The following IL1RAPL2 variants were observed in gnomAD, a reference collection of about 807,000 sequenced individuals.
IL1RAPL2 encodes X-linked interleukin-1 receptor accessory protein-like 2.
IL1RAPL2 carries 3 observed loss-of-function variants against 44.1 expected under a neutral mutation model. The ratio of observed to expected loss-of-function variants is 0.07; its 90% CI spans 0.03 to 0.18. The LOEUF (loss-of-function observed/expected upper bound fraction) is 0.18, where lower values mean the gene tolerates loss of function less well. IL1RAPL2 is among the 10% of genes least tolerant of loss of function. The probability of loss-of-function intolerance (pLI) is 1.00; values close to 1 mark genes in which losing one functional copy is unlikely to be tolerated. For synonymous variants in IL1RAPL2, 181 were observed against 178.8 expected (o/e 1.01, Z -0.10); for missense variants, 391 against 496.4 (o/e 0.79, Z 2.02).
chrX:105,304,524 G>T (rs934446740), intron 5 of IL1RAPL2, among the ~76,000 whole-genome samples: 1 of 111,974 alleles, frequency 8.9e-6, no homozygotes, highest in Admixed American at 9.4e-5. Context: ...CTGTCTATAG[G>T]AACAATGGGG....
chrX:105,354,011 A>G (rs1316609878), intron 5 of IL1RAPL2, among the ~76,000 whole-genome samples: 1 of 110,901 alleles, frequency 9.0e-6, no homozygotes, highest in African/African-American at 3.3e-5. Flanking sequence ...GTCTTGTGCC[A>G]GTTTTCAAAG....
intron 2 of IL1RAPL2, among the ~76,000 whole-genome samples, chrX:104,733,645 A>G (rs1333465531): frequency 1.9e-5 from 2 of 106,466 alleles, no homozygotes; most frequent in East Asian, 2.9e-4. Context: ...AATAATAATA[A>G]TAGTAATAAT....
chrX:105,489,787 TTCTC>T (rs36081932), intron 6 of IL1RAPL2, among the ~76,000 whole-genome samples: 7,481 of 73,306 alleles, frequency 0.1, 769 homozygotes, highest in African/African-American at 0.31. Flanking sequence ...CTTTCTCTCT[TTCTC>T]TCTCTCTCTC....
chrX:105,433,838 T>C (rs915399415), intron 5 of IL1RAPL2, among the ~76,000 whole-genome samples: 1 of 111,130 alleles, frequency 9.0e-6, no homozygotes, highest in African/African-American at 3.3e-5. Context: ...ATGATATGGA[T>C]ATGTCACCAA....
intron 2 of IL1RAPL2, among the ~76,000 whole-genome samples, chrX:104,950,320 C>T (rs1050435026): frequency 8.9e-6 from 1 of 112,326 alleles, no homozygotes; most frequent in Non-Finnish European, 1.9e-5. Flanking sequence ...GGCAGTCTGC[C>T]CGTTCTCAGA....
intron 2 of IL1RAPL2, among the ~76,000 whole-genome samples, chrX:104,759,917 T>G (rs1363105214): frequency 8.9e-6 from 1 of 111,848 alleles, no homozygotes; most frequent in Non-Finnish European, 1.9e-5. Flanking sequence ...ACTTTTTTTG[T>G]GCCCATTAAC....
At chrX:104,656,362 C>T (rs1194333530) in intron 1 of IL1RAPL2, among the ~76,000 whole-genome samples, 1 of 112,055 alleles carries the variant, frequency 8.9e-6, no homozygotes, top group Non-Finnish European at 1.9e-5. Flanking sequence ...CCCAGAGATT[C>T]TGGTACATTG....
chrX:104,918,583 A>G (rs1924534491), intron 2 of IL1RAPL2, among the ~76,000 whole-genome samples: 1 of 111,945 alleles, frequency 8.9e-6, no homozygotes, highest in Non-Finnish European at 1.9e-5. Context: ...TACTTCCACA[A>G]CCTATGGTCT....
Position 104,735,597 on chromosome X carries a change from G to A in IL1RAPL2, c.82+76602G>A, listed in dbSNP as rs756434239. 8.1e-5 allele frequency among the ~76,000 whole-genome samples: 9 copies of A among 111,625 alleles called. No individual in the cohort carries two copies. In the Middle Eastern group the frequency reaches 0.028, roughly 345 times the overall value. On this transcript the variant is annotated intron_variant, in intron 2 of 10. Transcript: ENST00000372582. ...AATGGGGAAAAAGAGCATATCATTA[G>A]TGTCAAGCGCATCCCACAGTAGGCT... is the stretch of plus-strand genomic sequence containing the variant.
At chrX:105,558,751 T>G (rs2036912955) in intron 6 of IL1RAPL2, among the ~76,000 whole-genome samples, 1 of 112,160 alleles carries the variant, frequency 8.9e-6, no homozygotes, top group Admixed American at 9.5e-5. Flanking sequence ...TTTCAGAAAT[T>G]TTCTAATCAT....
intron 2 of IL1RAPL2, among the ~76,000 whole-genome samples, chrX:105,129,318 A>C (rs2033005343): frequency 9.1e-6 from 1 of 110,377 alleles, no homozygotes; most frequent in Admixed American, 9.7e-5. Context: ...CAAACTTGCT[A>C]CCTCAAATAC....
At chrX:105,089,748 C>T (rs1312280217) in intron 2 of IL1RAPL2, among the ~76,000 whole-genome samples, 1 of 111,628 alleles carries the variant, frequency 9.0e-6, no homozygotes, top group Admixed American at 9.6e-5. Flanking sequence ...TTCATTTAAT[C>T]CTCACTTTTA....
intron 1 of IL1RAPL2, among the ~76,000 whole-genome samples, chrX:104,634,152 T>A: frequency 9.0e-6 from 1 of 111,559 alleles, no homozygotes; most frequent in Non-Finnish European, 1.9e-5. Flanking sequence ...AGTTGAGCAG[T>A]TTTGAGTGAG....
chrX:104,603,533 A>T (rs1411055000), intron 1 of IL1RAPL2, among the ~76,000 whole-genome samples: 3 of 111,814 alleles, frequency 2.7e-5, no homozygotes, highest in East Asian at 5.7e-4. Flanking sequence ...TTCTAACCCA[A>T]TGCAAGGAAG....
At chrX:105,490,699 T>C (rs900975536) in intron 6 of IL1RAPL2, among the ~76,000 whole-genome samples, 3 of 112,479 alleles carry the variant, frequency 2.7e-5, no homozygotes, top group African/African-American at 6.5e-5. Flanking sequence ...TATAAAACAT[T>C]ATTTACCTAA....
At chrX:105,258,082 A>G (rs973461230) in intron 4 of IL1RAPL2, among the ~76,000 whole-genome samples, 1 of 111,264 alleles carries the variant, frequency 9.0e-6, no homozygotes, top group Non-Finnish European at 1.9e-5. Flanking sequence ...TTTTCTTTCT[A>G]TATTTATTGT....
At chrX:105,421,934 C>G (rs778712542) in intron 5 of IL1RAPL2, among the ~76,000 whole-genome samples, 12 of 111,825 alleles carry the variant, frequency 1.1e-4, no homozygotes, top group Non-Finnish European at 1.7e-4. Context: ...TCATTCCAAA[C>G]TATAGAAAAT....
At chrX:105,180,886 G>C (rs782066412) in intron 2 of IL1RAPL2, among the ~76,000 whole-genome samples, 1 of 111,927 alleles carries the variant, frequency 8.9e-6, no homozygotes, top group African/African-American at 3.2e-5. Context: ...TGGTTTTCTT[G>C]GAATAGTTTC....
At chrX:105,297,457 G>T (rs1452078565) in intron 5 of IL1RAPL2, among the ~76,000 whole-genome samples, 1 of 111,308 alleles carries the variant, frequency 9.0e-6, no homozygotes, top group Non-Finnish European at 1.9e-5. Flanking sequence ...AGGTTTAATT[G>T]ACTCAGAGTT....
Sources: gnomAD v4.1 joint callset for allele counts (sites outside exome capture counted in the v4.1 genomes callset) on GRCh38, gnomAD v4.1.1 for gene constraint, MANE v1.5 for transcripts, NCBI Gene and HGNC (gene_info 2026-07-23, HGNC 2026-07-21) for gene names.